Variants in RHBDL3 observed in about 807,000 individuals in gnomAD.
The protein encoded by RHBDL3 is rhomboid-related protein 3.
RHBDL3 carries 28 observed loss-of-function variants against 48.2 expected under a neutral mutation model. The observed-to-expected ratio is 0.58, with a 90% confidence interval of 0.43 to 0.80. The LOEUF (loss-of-function observed/expected upper bound fraction) is 0.80. RHBDL3 is among the 30% of genes least tolerant of loss of function. RHBDL3 has a pLI of 0.00. For synonymous variants in RHBDL3, 208 were observed against 232.3 expected, an observed-to-expected ratio of 0.90 and a Z score of 0.95; for missense variants, 464 against 542.7, an observed-to-expected ratio of 0.85 and a Z score of 1.44.
intron 7 of RHBDL3, among the ~76,000 whole-genome samples, chr17:32,313,751 C>CTCT (rs2040899365): frequency 1.0e-5 from 1 of 98,630 alleles, no homozygotes; most frequent in Non-Finnish European, 1.9e-5. Context: ...AATTCCCTCC[C>CTCT]TTTTTTTTTT....
chr17:32,268,287 G>A (rs2039685411), intron 2 of RHBDL3, among the ~76,000 whole-genome samples: 1 of 152,160 alleles, frequency 6.6e-6, no homozygotes, highest in African/African-American at 2.4e-5. Flanking sequence ...ATCCCTCTCC[G>A]TTTCTACCTC....
chr17:32,281,808 C>T (rs1465886072), intron 2 of RHBDL3, among the ~76,000 whole-genome samples: 1 of 152,148 alleles, frequency 6.6e-6, no homozygotes, highest in East Asian at 1.9e-4. Flanking sequence ...CTCATGGAGC[C>T]CCTTCCTCTC....
intron 6 of RHBDL3, among the ~76,000 whole-genome samples, chr17:32,303,514 A>G (rs1405932896): frequency 6.6e-6 from 1 of 152,200 alleles, no homozygotes; most frequent in Non-Finnish European, 1.5e-5. Context: ...CAGTAAAAAA[A>G]GCAAAAGCAA....
chr17:32,316,389 G>GA lies in RHBDL3; in HGVS notation c.943+106dup, dbSNP rs370971540. ...CTGCCCTTCACGGGCTTATGGTCAA[G>GA]AAAAAAAAAGTGGGACATGTCAATG... On this transcript the variant is annotated intron_variant, in intron 8 of 8. Coordinates refer to ENST00000269051, the MANE Select transcript of RHBDL3 (RefSeq NM_138328.3). 1,436 of 846,520 alleles carry GA rather than the reference G, an allele frequency of 1.7e-3. 1 individual carries two copies. Among genetic ancestry groups the GA allele is most frequent in the Middle Eastern group, 2.6e-3 (8 of 3,114 alleles). The allele number at this position is 846,520 out of a possible 1,614,324, so 52.4% of individuals were successfully genotyped here.
chr17:32,300,864 G>A (rs1328082644), intron 6 of RHBDL3, among the ~76,000 whole-genome samples: 1 of 151,160 alleles, frequency 6.6e-6, no homozygotes, highest in Non-Finnish European at 1.5e-5. Context: ...CCCTTCCCAA[G>A]CCCTGTGCTT....
chr17:32,283,321 T>C (rs926732529), intron 2 of RHBDL3, among the ~76,000 whole-genome samples: 2 of 138,290 alleles, frequency 1.4e-5, no homozygotes, highest in African/African-American at 5.6e-5. Context: ...TTTCTTCTTT[T>C]TTTTTTTTTT....
Position 32,324,489 on chromosome 17 carries a change from C to T in RHBDL3, c.*3260C>T, listed in dbSNP as rs965850545. The T allele has an allele frequency of 6.5e-6, 1 of 152,672 alleles. No individual in the cohort carries two copies. The highest frequency in any genetic ancestry group is 1.5e-5 in the Non-Finnish European group (1 of 68,048). 9.5% of individuals were successfully genotyped at this position (152,672 alleles called of 1,614,324 possible). A position where few individuals can be genotyped will look rare whatever the true frequency, so the allele number is the denominator to read the frequency against. ...GCACGGTTCTCCTCTGCCTTAAAAA[C>T]AGTGCCCAACAGTGAACTGCCCCTC... is the stretch of plus-strand genomic sequence containing the variant. On this transcript the variant is annotated 3_prime_UTR_variant, in exon 9 of 9. Coordinates refer to ENST00000269051, the MANE Select transcript of RHBDL3 (RefSeq NM_138328.3).
At chr17:32,300,576 C>A (rs912858171) in intron 6 of RHBDL3, among the ~76,000 whole-genome samples, 1 of 152,022 alleles carries the variant, frequency 6.6e-6, no homozygotes, top group East Asian at 1.9e-4. Flanking sequence ...AAGAAAAAAA[C>A]CAAAGGAGAC....
chr17:32,305,297 C>T (rs562310637), intron 6 of RHBDL3, 44 bp from the exon 7 acceptor site: 15 of 1,393,734 alleles, frequency 1.1e-5, no homozygotes, highest in Non-Finnish European at 1.3e-5. Flanking sequence ...TTGGGTGAGC[C>T]GAGTCCCGCA....
In RHBDL3 at chr17:32,321,346, T is replaced by G; in HGVS notation, c.*117T>G. 1 of 1,553,774 alleles carries G rather than the reference T, an allele frequency of 6.4e-7. No homozygotes were observed. The highest frequency in any genetic ancestry group is 8.7e-7 in the Non-Finnish European group (1 of 1,154,374). On this transcript the variant is annotated 3_prime_UTR_variant, in exon 9 of 9. Transcript: ENST00000269051. ...CCGGGCAGACAAGGACAGAAGACTC[T>G]GGGCCACTGTAATGTTTGTGTTTAG...
intron 7 of RHBDL3, among the ~76,000 whole-genome samples, chr17:32,307,071 G>C (rs980382026): frequency 2.6e-5 from 4 of 152,208 alleles, no homozygotes; most frequent in African/African-American, 9.6e-5. Flanking sequence ...TTGAAGGCCA[G>C]AAATTGGGAT....
chr17:32,320,978 G>A lies in RHBDL3; in HGVS notation c.964G>A (p.Ala322Thr). 1.9e-6 allele frequency: 3 copies of A among 1,612,696 alleles called. No homozygotes were observed. The highest frequency in any genetic ancestry group is 2.5e-6 in the Non-Finnish European group (3 of 1,179,734). ...LICMSMEFGR[A>T]VWLRFHPSAY... ...TGCAGTGAGCATGGAGTTTGGGCGG[G>A]CCGTGTGGCTCCGCTTCCACCCGTC... is the stretch of plus-strand genomic sequence containing the variant. Residue 322 changes from alanine to threonine, a missense_variant, in exon 9 of 9, where the codon GCC becomes ACC. By Grantham distance (58) the Ala-to-Thr change is moderately conservative. Transcript: ENST00000269051.
Position 32,298,208 on chromosome 17 carries a change from G to C in RHBDL3, c.781+4G>C. On this transcript the variant is annotated splice_donor_region_variant and intron_variant, in intron 6 of 8. Coordinates refer to ENST00000269051, the MANE Select transcript of RHBDL3 (RefSeq NM_138328.3). ...TACGTGGCCGGTGTTGTGGCAGGTA[G>C]GCAGGTAGGCCCCGTGTCCACAAAG... 6.2e-7 allele frequency: 1 copy of C among 1,602,186 alleles called. No individual in the cohort carries two copies. The highest frequency in any genetic ancestry group is 8.6e-7 in the Non-Finnish European group (1 of 1,169,432).
intron 2 of RHBDL3, among the ~76,000 whole-genome samples, chr17:32,282,085 A>G (rs2040066362): frequency 6.6e-6 from 1 of 152,240 alleles, no homozygotes; most frequent in Non-Finnish European, 1.5e-5. Flanking sequence ...CATTATATGC[A>G]TAAGGTGCTT....
chr17:32,320,602 G>A lies in RHBDL3; in HGVS notation c.944-356G>A, dbSNP rs915985292. On this transcript the variant is annotated intron_variant, in intron 8 of 8. Transcript: ENST00000269051. ...GCCTCCCAAAGTGCTGAGATTACAG[G>A]TGTGAGCCGCCGCACCCGGCCAAAT... Among the ~76,000 whole-genome samples, 10 of 152,336 alleles carry A rather than the reference G, an allele frequency of 6.6e-5. 1 individual carries two copies. Among genetic ancestry groups the A allele is most frequent in the African/African-American group, 2.4e-4 (10 of 41,576 alleles).
intron 7 of RHBDL3, among the ~76,000 whole-genome samples, chr17:32,305,687 A>G (rs2040694168): frequency 6.6e-6 from 1 of 152,078 alleles, no homozygotes; most frequent in Non-Finnish European, 1.5e-5. Flanking sequence ...CCTCTTTCCC[A>G]TTCACCAACG....
At chr17:32,293,308 G>A (rs2040376186) in intron 4 of RHBDL3, among the ~76,000 whole-genome samples, 1 of 152,090 alleles carries the variant, frequency 6.6e-6, no homozygotes, top group Non-Finnish European at 1.5e-5. Context: ...AAGGCCGGGC[G>A]CAGTGGCTCA....
chr17:32,275,363 G>T (rs972613772), intron 2 of RHBDL3, among the ~76,000 whole-genome samples: 4 of 152,200 alleles, frequency 2.6e-5, no homozygotes, highest in African/African-American at 9.6e-5. Flanking sequence ...CCTGCCAAAG[G>T]CAGGGGCCAT....
chr17:32,306,307 C>T (rs777230410), intron 7 of RHBDL3, among the ~76,000 whole-genome samples: 3 of 152,112 alleles, frequency 2.0e-5, no homozygotes, highest in Non-Finnish European at 4.4e-5. Context: ...TCCTGTAGTC[C>T]CAGCTACTTG....
Sources: gnomAD v4.1 joint callset for allele counts (sites outside exome capture counted in the v4.1 genomes callset) on GRCh38, gnomAD v4.1.1 for gene constraint, MANE v1.5 for transcripts, NCBI Gene and HGNC (gene_info 2026-07-23, HGNC 2026-07-21) for gene names.